Variants in FNDC3B observed in about 807,000 individuals in gnomAD.
FNDC3B encodes the protein fibronectin type III domain-containing protein 3B.
A neutral mutation model predicts 151.5 loss-of-function variants in FNDC3B; 12 were observed. That is an observed-to-expected ratio of 0.08 (90% confidence interval 0.05 to 0.13). FNDC3B has a LOEUF of 0.13. Ranked by LOEUF, FNDC3B falls within the 10% of genes least tolerant of loss-of-function variation. FNDC3B has a pLI of 1.00. For synonymous variants in FNDC3B, 528 were observed against 549.0 expected, an observed-to-expected ratio of 0.96 and a Z score of 0.54; for missense variants, 1,214 against 1,505.3, an observed-to-expected ratio of 0.81 and a Z score of 3.20.
At chr3:172,141,152 C>A (rs933511769) in intron 3 of FNDC3B, among the ~76,000 whole-genome samples, 2 of 149,922 alleles carry the variant, frequency 1.3e-5, no homozygotes, top group Non-Finnish European at 3.0e-5. Flanking sequence ...TTTTCCCCCC[C>A]CTAAATAGAT....
intron 1 of FNDC3B, among the ~76,000 whole-genome samples, chr3:172,067,435 A>G (rs1717552330): frequency 6.6e-6 from 1 of 152,188 alleles, no homozygotes; most frequent in African/African-American, 2.4e-5. Context: ...AAGGCACCAG[A>G]GTCGGACTCT....
At chr3:172,117,905 A>G (rs1455870868) in intron 2 of FNDC3B, among the ~76,000 whole-genome samples, 2 of 152,238 alleles carry the variant, frequency 1.3e-5, no homozygotes, top group African/African-American at 4.8e-5. Context: ...ACATATACAG[A>G]AAACTCGCTT....
At chr3:172,357,114 G>A (rs944759001) in intron 22 of FNDC3B, among the ~76,000 whole-genome samples, 3 of 152,154 alleles carry the variant, frequency 2.0e-5, no homozygotes, top group African/African-American at 7.2e-5. Flanking sequence ...TCCTTTAATG[G>A]TGGATTTTTA....
intron 3 of FNDC3B, among the ~76,000 whole-genome samples, chr3:172,148,899 G>A (rs1722071565): frequency 6.6e-6 from 1 of 152,206 alleles, no homozygotes; most frequent in Non-Finnish European, 1.5e-5. Context: ...CATCTCAGAT[G>A]TAACTCAAGA....
chr3:172,170,419 G>A (rs967874555), intron 3 of FNDC3B, among the ~76,000 whole-genome samples: 1 of 152,232 alleles, frequency 6.6e-6, no homozygotes, highest in African/African-American at 2.4e-5. Flanking sequence ...TGGGGACCAG[G>A]AAGATGAGCA....
intron 6 of FNDC3B, among the ~76,000 whole-genome samples, chr3:172,254,510 C>T (rs1455118061): frequency 1.3e-5 from 2 of 152,154 alleles, no homozygotes; most frequent in Non-Finnish European, 2.9e-5. Context: ...TCTCTCCCTC[C>T]TTCTAGTACC....
At chr3:172,222,451 G>A (rs1726323338) in intron 3 of FNDC3B, among the ~76,000 whole-genome samples, 1 of 152,220 alleles carries the variant, frequency 6.6e-6, no homozygotes, top group Non-Finnish European at 1.5e-5. Flanking sequence ...ATGGGTGAAT[G>A]TTGTGAAGAT....
chr3:172,375,138 G>A (rs1310398413), intron 23 of FNDC3B, among the ~76,000 whole-genome samples: 1 of 152,036 alleles, frequency 6.6e-6, no homozygotes, highest in Non-Finnish European at 1.5e-5. Flanking sequence ...AGTGAGGAAG[G>A]TGTCAGCTTT....
At chr3:172,254,858 T>C (rs1385675480) in intron 6 of FNDC3B, among the ~76,000 whole-genome samples, 1 of 152,212 alleles carries the variant, frequency 6.6e-6, no homozygotes, top group African/African-American at 2.4e-5. Context: ...GGCTTAGAAT[T>C]GGGCTTTGTT....
In FNDC3B at chr3:172,341,217, G is replaced by T; in HGVS notation, c.1957G>T (p.Gly653Cys). 1.2e-6 allele frequency: 2 copies of T among 1,613,632 alleles called. No homozygotes were observed. Among genetic ancestry groups the T allele is most frequent in the Non-Finnish European group, 1.7e-6 (2 of 1,179,578 alleles). ...YKLRACCIST[G>C]GHSQCSESLP... is the part of the protein sequence containing the mutation. The stretch of plus-strand genomic sequence containing the variant: ...ACTCCGAGCATGCTGCATCAGTACC[G>T]GCGGACACAGCCAGGTTGGTTTTGT... The change falls in exon 17 of 26, where the codon GGC becomes TGC. Residue 653 changes from glycine to cysteine, a missense_variant. By Grantham distance (159) the Gly-to-Cys change is radical (BLOSUM62 -3). Coordinates refer to ENST00000415807, the MANE Select transcript of FNDC3B (RefSeq NM_022763.4).
In FNDC3B at chr3:172,264,529, A is replaced by G. The variant is rs112680367; in HGVS notation, c.790+12988A>G. Among the ~76,000 whole-genome samples the G allele has an allele frequency of 3.0e-3, 462 of 152,244 alleles. 4 individuals carry two copies. The highest frequency in any genetic ancestry group is 0.011 in the African/African-American group (448 of 41,534). Reference sequence around the variant, plus strand: ...TTTGTTTCTTGCATTTTTAGATTCTATGAATTCTCTACCCCTCTCTCCTGT... The same window carrying G: ...TTTGTTTCTTGCATTTTTAGATTCTGTGAATTCTCTACCCCTCTCTCCTGT... On this transcript the variant is annotated intron_variant, in intron 6 of 25. Coordinates refer to ENST00000415807, the MANE Select transcript of FNDC3B (RefSeq NM_022763.4).
chr3:172,246,414 T>C (rs1290488805), intron 4 of FNDC3B, among the ~76,000 whole-genome samples: 1 of 152,244 alleles, frequency 6.6e-6, no homozygotes, highest in African/African-American at 2.4e-5. Flanking sequence ...TCTCACGTTA[T>C]CATTCTCTGT....
chr3:172,212,791 A>G (rs1196405296), intron 3 of FNDC3B, among the ~76,000 whole-genome samples: 2 of 152,300 alleles, frequency 1.3e-5, no homozygotes, highest in Admixed American at 1.3e-4. Flanking sequence ...TTTGGTTTTG[A>G]TGGGGATGGA....
chr3:172,317,685 C>G (rs1429169102), intron 11 of FNDC3B, among the ~76,000 whole-genome samples: 3 of 152,178 alleles, frequency 2.0e-5, no homozygotes, highest in Non-Finnish European at 4.4e-5. Context: ...AACGATTGTT[C>G]CATATTGTTG....
intron 6 of FNDC3B, among the ~76,000 whole-genome samples, chr3:172,272,351 T>C (rs1350161213): frequency 6.6e-6 from 1 of 152,108 alleles, no homozygotes; most frequent in African/African-American, 2.4e-5. Context: ...CCTCCCGTTA[T>C]GAAACCAAGC....
chr3:172,287,964 G>A (rs1412520536), intron 7 of FNDC3B, among the ~76,000 whole-genome samples: 3 of 152,208 alleles, frequency 2.0e-5, no homozygotes, highest in Non-Finnish European at 2.9e-5. Context: ...GAAGCACACA[G>A]ATGTTAGCTC....
intron 3 of FNDC3B, among the ~76,000 whole-genome samples, chr3:172,171,297 T>C (rs1184020646): frequency 6.6e-6 from 1 of 152,256 alleles, no homozygotes; most frequent in Non-Finnish European, 1.5e-5. Flanking sequence ...TTATCTTCTC[T>C]GAAATTAACT....
chr3:172,153,691 A>G (rs977540462), intron 3 of FNDC3B, among the ~76,000 whole-genome samples: 2 of 152,228 alleles, frequency 1.3e-5, no homozygotes, highest in Non-Finnish European at 2.9e-5. Context: ...ATGCCTCAAG[A>G]GTCAAACAGT....
intron 16 of FNDC3B, among the ~76,000 whole-genome samples, chr3:172,338,902 AT>A (rs555504944): frequency 1.3e-5 from 2 of 151,644 alleles, no homozygotes; most frequent in Admixed American, 1.3e-4. Flanking sequence ...AGGCCGGCTA[AT>A]TTTTTTTGAA....
Sources: allele counts gnomAD v4.1 joint callset (sites outside exome capture counted in the v4.1 genomes callset), GRCh38; gene constraint gnomAD v4.1.1; transcripts MANE v1.5; gene names NCBI Gene and HGNC (gene_info 2026-07-23, HGNC 2026-07-21).